Variants in SCHIP1 observed in about 807,000 individuals in gnomAD.
SCHIP1 encodes schwannomin interacting protein 1.
In SCHIP1, 8 loss-of-function variants were observed where a neutral mutation model predicts 29.7. The observed-to-expected ratio is 0.27, with a 90% confidence interval of 0.16 to 0.49. The LOEUF (loss-of-function observed/expected upper bound fraction) is 0.49, where lower values mean the gene tolerates loss of function less well. Among genes scored for constraint, SCHIP1 ranks in the 20% least tolerant of loss-of-function variants. The pLI, the probability that SCHIP1 is intolerant of heterozygous loss-of-function variation, is 0.99. For synonymous variants in SCHIP1, 76 were observed against 94.9 expected, an observed-to-expected ratio of 0.80 and a Z score of 1.16; for missense variants, 193 against 294.6, an observed-to-expected ratio of 0.66 and a Z score of 2.52.
the SCHIP1 span, among the ~76,000 whole-genome samples, chr3:159,687,323 C>A: frequency 1.2e-4 from 18 of 152,056 alleles, no homozygotes. Flanking sequence ...TTCTTCTCCT[C>A]TCCCTCTCTG....
At chr3:159,769,636 G>C in the SCHIP1 span, among the ~76,000 whole-genome samples, 2 of 152,160 alleles carry the variant, frequency 1.3e-5, no homozygotes, top group Non-Finnish European at 2.9e-5. Context: ...TGTAATCCCA[G>C]CTACTCGGGA....
the SCHIP1 span, among the ~76,000 whole-genome samples, chr3:159,397,109 G>T: frequency 6.6e-6 from 1 of 150,878 alleles, no homozygotes; most frequent in African/African-American, 2.4e-5. Context: ...CCAGTTGATC[G>T]CATTGGCTCC....
rs1457937534 is a variant in SCHIP1, at chr3:159,883,986, A to G, written c.150-2221A>G. On this transcript the variant is annotated intron_variant, in intron 2 of 6. Transcript: ENST00000445224. ...CTTTCTTCTGAGTGAAAATACATATATCTGGACATTGTAAACTTTATTTTG... is the reference window on the plus strand; with the variant it reads ...CTTTCTTCTGAGTGAAAATACATATGTCTGGACATTGTAAACTTTATTTTG... Among the ~76,000 whole-genome samples, 3 of 152,156 alleles carry G rather than the reference A, an allele frequency of 2.0e-5. No homozygotes were observed. In the East Asian group the frequency reaches 5.8e-4, roughly 29 times the overall value.
At chr3:159,829,967 T>C in the SCHIP1 span, among the ~76,000 whole-genome samples, 1 of 152,248 alleles carries the variant, frequency 6.6e-6, no homozygotes, top group Non-Finnish European at 1.5e-5. Flanking sequence ...GTAATTGCTA[T>C]ATATTGTTAG....
the SCHIP1 span, among the ~76,000 whole-genome samples, chr3:159,479,597 T>G: frequency 2.0e-5 from 3 of 152,138 alleles, no homozygotes; most frequent in Non-Finnish European, 2.9e-5. Flanking sequence ...ATTAATTACT[T>G]GGCTAGTTTT....
At chr3:159,401,573 C>T in the SCHIP1 span, 2 of 158,574 alleles carry the variant, frequency 1.3e-5, no homozygotes, top group African/African-American at 4.8e-5. Context: ...TATTCAAGTA[C>T]AATCAGTTAA....
the SCHIP1 span, among the ~76,000 whole-genome samples, chr3:159,350,997 A>G: frequency 2.0e-5 from 3 of 152,284 alleles, no homozygotes; most frequent in East Asian, 5.8e-4. Context: ...CCTAATATAA[A>G]TATATAAAAA....
intron 1 of SCHIP1, among the ~76,000 whole-genome samples, chr3:159,849,441 G>A (rs1712279046): frequency 6.6e-6 from 1 of 152,128 alleles, no homozygotes; most frequent in South Asian, 2.1e-4. Context: ...ATCGATTATA[G>A]GTTTCTAAGT....
At chr3:159,458,495 G>A in the SCHIP1 span, among the ~76,000 whole-genome samples, 1 of 152,168 alleles carries the variant, frequency 6.6e-6, no homozygotes, top group South Asian at 2.1e-4. Context: ...GGGAAGAAGT[G>A]GACTCAGCAT....
chr3:159,432,662 T>G, the SCHIP1 span, among the ~76,000 whole-genome samples: 3 of 152,166 alleles, frequency 2.0e-5, no homozygotes, highest in Non-Finnish European at 1.5e-5. Flanking sequence ...GATCTGAGAT[T>G]CATTAGGTGT....
chr3:159,728,016 T>TTA, the SCHIP1 span, among the ~76,000 whole-genome samples: 11 of 150,408 alleles, frequency 7.3e-5, no homozygotes, highest in Admixed American at 4.0e-4. Flanking sequence ...TTTTTTTTTT[T>TTA]AAAAAGGCAA....
At chr3:159,329,342 G>T in the SCHIP1 span, among the ~76,000 whole-genome samples, 1 of 152,212 alleles carries the variant, frequency 6.6e-6, no homozygotes, top group African/African-American at 2.4e-5. Context: ...TTCAATGAAA[G>T]AATGAGTGCT....
At chr3:159,383,423 T>A in the SCHIP1 span, among the ~76,000 whole-genome samples, 1 of 151,714 alleles carries the variant, frequency 6.6e-6, no homozygotes, top group Non-Finnish European at 1.5e-5. Context: ...GTTGTAGATA[T>A]GCGGCGTTAT....
At chr3:159,650,348 A>AT in the SCHIP1 span, among the ~76,000 whole-genome samples, 2 of 152,170 alleles carry the variant, frequency 1.3e-5, no homozygotes, top group African/African-American at 2.4e-5. Context: ...TGGCCTACAC[A>AT]TTTTTTAGAA....
At chr3:159,289,038 T>A in the SCHIP1 span, among the ~76,000 whole-genome samples, 1 of 152,228 alleles carries the variant, frequency 6.6e-6, no homozygotes, top group Non-Finnish European at 1.5e-5. Context: ...CATTTACATC[T>A]AATCAACCAC....
the SCHIP1 span, among the ~76,000 whole-genome samples, chr3:159,820,963 T>G: frequency 1.3e-5 from 2 of 152,258 alleles, no homozygotes; most frequent in Non-Finnish European, 2.9e-5. Flanking sequence ...ATGTGGCTGT[T>G]GAGCACTTAA....
chr3:159,297,126 TTGTGTGTGTGTGTGTG>T, the SCHIP1 span, among the ~76,000 whole-genome samples: 1,135 of 143,376 alleles, frequency 7.9e-3, 7 homozygotes, highest in Non-Finnish European at 8.8e-3. Flanking sequence ...TAATATTCCA[TTGTGTGTGTGTGTGTG>T]TGTGTGTGTG....
the SCHIP1 span, among the ~76,000 whole-genome samples, chr3:159,358,155 G>A: frequency 2.6e-5 from 4 of 152,344 alleles, no homozygotes; most frequent in African/African-American, 4.8e-5. Flanking sequence ...CAAACTCAAA[G>A]CCCTAAAGAG....
chr3:159,309,202 A>G, the SCHIP1 span: 1 of 234,514 alleles, frequency 4.3e-6, no homozygotes, highest in Non-Finnish European at 7.0e-6. Flanking sequence ...AAATATTTAA[A>G]TGGGAAAAAA....
Sources: gnomAD v4.1 joint callset for allele counts (sites outside exome capture counted in the v4.1 genomes callset) on GRCh38, gnomAD v4.1.1 for gene constraint, MANE v1.5 for transcripts, NCBI Gene and HGNC (gene_info 2026-07-23, HGNC 2026-07-21) for gene names.